The following PDXDC1 variants were observed in gnomAD, a reference collection of about 807,000 sequenced individuals.
PDXDC1 encodes the protein pyridoxal dependent decarboxylase domain containing 1.
A neutral mutation model predicts 100.1 loss-of-function variants in PDXDC1; 42 were observed. The ratio of observed to expected loss-of-function variants is 0.42; its 90% confidence interval spans 0.33 to 0.54. The LOEUF is 0.54. Among genes scored for constraint, PDXDC1 ranks in the 20% least tolerant of loss-of-function variants. PDXDC1 has a pLI of 0.10. For synonymous variants in PDXDC1, 260 were observed against 371.7 expected (o/e 0.70, Z 3.46); for missense variants, 636 against 979.2 (o/e 0.65, Z 4.68).
intron 16 of PDXDC1, chr16:15,110,930 A>G (rs1452765991): frequency 1.1e-6 from 1 of 880,740 alleles, no homozygotes; most frequent in Non-Finnish European, 1.7e-6. Context: ...GGAGTTCAAG[A>G]CCAGCCTGGC....
chr16:15,077,691 A>T lies in PDXDC1; in HGVS notation c.1399+47635A>T, dbSNP rs551728236. Among the ~76,000 whole-genome samples the T allele has an allele frequency of 7.9e-5, 12 of 152,318 alleles. No individual in the cohort carries two copies. In the South Asian group the frequency reaches 2.5e-3, roughly 32 times the overall value. ...CCCATCTCTACTAAAAATACAAAAA[A>T]TTAGCCGGGCATGGTGGCATGTGCC... is the stretch of plus-strand genomic sequence containing the variant. On this transcript the variant is annotated intron_variant, in intron 16 of 16. Coordinates refer to the PDXDC1 transcript ENST00000535621.
In PDXDC1 at chr16:15,071,280, C is replaced by A. The variant is rs772538760; in HGVS notation, c.1399+41224C>A. ...TAAAAAGAGAGGGCGTCGGTGTGATCTTTTTTAATGCCTAAGATAATCTGG... is the reference window on the plus strand; with the variant it reads ...TAAAAAGAGAGGGCGTCGGTGTGATATTTTTTAATGCCTAAGATAATCTGG... On this transcript the variant is annotated intron_variant, in intron 16 of 16. Coordinates refer to the PDXDC1 transcript ENST00000535621. 8.9e-6 allele frequency: 14 copies of A among 1,575,036 alleles called. No individual in the cohort carries two copies. In the South Asian group the frequency reaches 1.2e-4, roughly 13 times the overall value.
At chr16:15,052,360 A>G (rs2044326796) in intron 16 of PDXDC1, among the ~76,000 whole-genome samples, 1 of 152,220 alleles carries the variant, frequency 6.6e-6, no homozygotes, top group African/African-American at 2.4e-5. Flanking sequence ...TAGGCTATAC[A>G]TAAGCAGGGT....
intron 16 of PDXDC1, chr16:15,084,761 G>A (rs1394900987): frequency 1.7e-5 from 21 of 1,214,872 alleles, no homozygotes; most frequent in Admixed American, 5.1e-5. Context: ...AGGGCGACAC[G>A]CTTGAAGCTA....
At chr16:15,092,501 C>A in intron 16 of PDXDC1, 1 of 1,589,364 alleles carries the variant, frequency 6.3e-7, no homozygotes, top group Non-Finnish European at 8.6e-7. Flanking sequence ...CACATTATCT[C>A]CCCTTACCTT....
intron 1 of PDXDC1, among the ~76,000 whole-genome samples, chr16:14,991,139 C>A (rs1326037450): frequency 7.8e-4 from 119 of 152,362 alleles, no homozygotes; most frequent in Non-Finnish European, 1.3e-3. Flanking sequence ...ATCTGCATTT[C>A]CCTCCTGCCT....
rs533864487 is a variant in PDXDC1 at position 15,079,052 on chromosome 16, C to T, written c.1399+48996C>T. Among the ~76,000 whole-genome samples, 189 of 152,174 alleles carry T rather than the reference C, an allele frequency of 1.2e-3. 1 individual carries two copies. The highest frequency in any genetic ancestry group is 6.8e-3 in the Middle Eastern group (2 of 294). On this transcript the variant is annotated intron_variant, in intron 16 of 16. Transcript: ENST00000535621. ...GTCTCGATCTCCTGACCTCGTGATC[C>T]GCCCGCCTCGGCCTCCCAAAGTGCT...
chr16:15,030,422 TGCAGTCCCA>T (rs2042973178), intron 16 of PDXDC1, among the ~76,000 whole-genome samples: 1 of 59,870 alleles, frequency 1.7e-5, no homozygotes, highest in Middle Eastern at 0.012. Flanking sequence ...GGTACACACC[TGCAGTCCCA>T]GCTACTTGGG....
chr16:15,081,826 G>A (rs751495775), intron 16 of PDXDC1, among the ~76,000 whole-genome samples: 159 of 152,214 alleles, frequency 1.0e-3, no homozygotes, highest in Admixed American at 2.5e-3. Flanking sequence ...CTTTTATTGA[G>A]TTCATTTTTA....
At chr16:15,096,017 G>A (rs1373067630) in intron 16 of PDXDC1, among the ~76,000 whole-genome samples, 2 of 152,094 alleles carry the variant, frequency 1.3e-5, no homozygotes, top group Non-Finnish European at 2.9e-5. Context: ...GGTCAAGGCT[G>A]CAGTGAGCTG....
intron 16 of PDXDC1, among the ~76,000 whole-genome samples, chr16:15,084,131 G>A (rs1283150539): frequency 6.6e-6 from 1 of 152,180 alleles, no homozygotes; most frequent in African/African-American, 2.4e-5. Flanking sequence ...CTCTCCCACA[G>A]AAACATAACA....
intron 16 of PDXDC1, among the ~76,000 whole-genome samples, chr16:15,087,991 G>A (rs887482412): frequency 1.3e-5 from 2 of 152,182 alleles, no homozygotes; most frequent in East Asian, 1.9e-4. Flanking sequence ...GTGCATGCCC[G>A]TAATCCCAGC....
intron 16 of PDXDC1, among the ~76,000 whole-genome samples, chr16:15,123,173 C>T (rs1476648285): frequency 1.3e-5 from 2 of 150,886 alleles, no homozygotes; most frequent in Non-Finnish European, 3.0e-5. Flanking sequence ...CTGATGACCC[C>T]GGTGGTGCCT....
chr16:15,036,353 CACATACTA>C lies in PDXDC1; in HGVS notation c.*80_*87del. 7.7e-7 allele frequency: 1 copy of C among 1,292,092 alleles called. No individual in the cohort carries two copies. The highest frequency in any genetic ancestry group is 1.9e-4 in the Middle Eastern group (1 of 5,160). The allele number at this position is 1,292,092 out of a possible 1,614,324, so 80.0% of individuals were successfully genotyped here. A position where few individuals can be genotyped will look rare whatever the true frequency, so the allele number is the denominator to read the frequency against. ...GTTCTATTGGAAATGTGAACTGTGC[CACATACTA>C]ATATAAATTACTGTTGTTTGTGCTT... On this transcript the variant is annotated 3_prime_UTR_variant, in exon 23 of 23. Coordinates refer to ENST00000396410, the MANE Select transcript of PDXDC1 (RefSeq NM_015027.4).
intron 1 of PDXDC1, among the ~76,000 whole-genome samples, chr16:14,981,467 C>A (rs1406482530): frequency 6.6e-6 from 1 of 152,296 alleles, no homozygotes; most frequent in Non-Finnish European, 1.5e-5. Flanking sequence ...AGAGTTATAA[C>A]AGTATCTGCT....
chr16:15,086,970 T>C (rs777574240), intron 16 of PDXDC1, among the ~76,000 whole-genome samples: 3 of 152,218 alleles, frequency 2.0e-5, no homozygotes, highest in Non-Finnish European at 4.4e-5. Flanking sequence ...TCTGTATAAA[T>C]GATAGCCCCA....
downstream of PDXDC1, among the ~76,000 whole-genome samples, chr16:15,141,433 G>C (rs1163090189): frequency 3.9e-5 from 6 of 152,234 alleles, no homozygotes; most frequent in African/African-American, 7.2e-5. Flanking sequence ...GAGACGCTGG[G>C]CACTGGCTCC....
At chr16:15,128,102 A>G (rs774420486) in intron 16 of PDXDC1, 2 of 1,608,410 alleles carry the variant, frequency 1.2e-6, no homozygotes, top group South Asian at 1.1e-5. Flanking sequence ...GTCCCTGATG[A>G]TGACGTGCTG....
the PDXDC1 span, among the ~76,000 whole-genome samples, chr16:15,144,391 A>G: frequency 6.6e-6 from 1 of 152,204 alleles, no homozygotes; most frequent in African/African-American, 2.4e-5. Context: ...TCATTTGAAA[A>G]AAAACAGTGC....
Sources: gnomAD v4.1 joint callset for allele counts (sites outside exome capture counted in the v4.1 genomes callset) on GRCh38, gnomAD v4.1.1 for gene constraint, MANE v1.5 for transcripts, NCBI Gene and HGNC (gene_info 2026-07-23, HGNC 2026-07-21) for gene names.